Variants in PPP1R36 observed in about 807,000 individuals in gnomAD.
PPP1R36 encodes chromosome 14 open reading frame 50.
A neutral mutation model predicts 53.4 loss-of-function variants in PPP1R36; 47 were observed. That is an observed-to-expected ratio of 0.88 (90% CI 0.70 to 1.12). The LOEUF is 1.12. PPP1R36 is among the 50% of genes most tolerant of loss of function. The pLI is 0.00. For synonymous variants in PPP1R36, 153 were observed against 170.5 expected (o/e 0.90, Z 0.80); for missense variants, 456 against 513.9 (o/e 0.89, Z 1.09).
rs10667127 is a variant in PPP1R36 at position 64,577,718 on chromosome 14, C to CTTTTTTTTTTTT, written c.668+3143_668+3154dup. Among the ~76,000 whole-genome samples the CTTTTTTTTTTTT allele has an allele frequency of 1.1e-4, 10 of 94,444 alleles. 1 individual carries two copies. Among genetic ancestry groups the CTTTTTTTTTTTT allele is most frequent in the East Asian group, 3.3e-4 (1 of 3,044 alleles). The allele number at this position is 94,444 out of a possible 152,430, so 62.0% of individuals were successfully genotyped here. On this transcript the variant is annotated intron_variant, in intron 8 of 11. Transcript: ENST00000298705. ...TTTTTAAGCTTTGCTGCCATGATTA[C>CTTTTTTTTTTTT]TTTTTTTTTTTTTTTTTTTTTTTTT...
intron 10 of PPP1R36, 52 bp downstream of exon 10, chr14:64,587,424 CTTTCT>C (rs747645165): frequency 8.7e-5 from 60 of 690,856 alleles, no homozygotes; most frequent in African/African-American, 2.5e-4. Flanking sequence ...TCTTCCTTTC[CTTTCT>C]TTTCTTTTCT....
intron 7 of PPP1R36, among the ~76,000 whole-genome samples, chr14:64,571,541 T>G (rs1176182327): frequency 6.6e-6 from 1 of 152,186 alleles, no homozygotes; most frequent in South Asian, 2.1e-4. Flanking sequence ...TGAATTGACT[T>G]ACCTACTAAG....
chr14:64,577,494 C>T (rs941689932), intron 8 of PPP1R36, among the ~76,000 whole-genome samples: 14 of 152,118 alleles, frequency 9.2e-5, no homozygotes, highest in Admixed American at 6.5e-5. Flanking sequence ...GAGTTCCTTC[C>T]TACCCAGACC....
chr14:64,583,474 T>A (rs2080405650), intron 8 of PPP1R36, among the ~76,000 whole-genome samples: 1 of 152,146 alleles, frequency 6.6e-6, no homozygotes, highest in Non-Finnish European at 1.5e-5. Flanking sequence ...CATTCTGTAC[T>A]TAATTTTTGC....
At chr14:64,588,723 G>A (rs2080458531) in intron 11 of PPP1R36, among the ~76,000 whole-genome samples, 1 of 151,908 alleles carries the variant, frequency 6.6e-6, no homozygotes, top group Admixed American at 6.6e-5. Flanking sequence ...ACCACGCCCG[G>A]CTAGTTTTGT....
At chr14:64,576,309 G>A (rs1173241533) in intron 8 of PPP1R36, among the ~76,000 whole-genome samples, 1 of 151,742 alleles carries the variant, frequency 6.6e-6, no homozygotes, top group South Asian at 2.1e-4. Flanking sequence ...TCAAACTCCT[G>A]ACCTCAGGTG....
At chr14:64,551,391 T>C (rs2080092739) in intron 2 of PPP1R36, among the ~76,000 whole-genome samples, 1 of 152,226 alleles carries the variant, frequency 6.6e-6, no homozygotes, top group African/African-American at 2.4e-5. Context: ...AGAAATATAG[T>C]TAACATTAAT....
rs1487147551 is a variant in PPP1R36 at position 64,568,391 on chromosome 14, C to T, written c.477C>T (p.Tyr159=). ...LDNFLMALLY[Y]LSHYLEKNSL... ...ATTTCCTCATGGCATTATTGTACTA[C>T]TTATCCCATTACTTGGAAAAAAACT... Residue 159 remains tyrosine (Y), a synonymous_variant, in exon 7 of 12, where the codon TAC becomes TAT. Coordinates refer to ENST00000298705, the MANE Select transcript of PPP1R36 (RefSeq NM_172365.3). 2 of 1,569,062 alleles carry T rather than the reference C, an allele frequency of 1.3e-6. No homozygotes were observed. Among genetic ancestry groups the T allele is most frequent in the Non-Finnish European group, 1.7e-6 (2 of 1,151,732 alleles).
At position 64,583,552 on chromosome 14, in the gene PPP1R36, C is replaced by T. The variant is rs577482914; in HGVS notation, c.669-3285C>T. On this transcript the variant is annotated intron_variant, in intron 8 of 11. Coordinates refer to ENST00000298705, the MANE Select transcript of PPP1R36 (RefSeq NM_172365.3). ...GAGTTAGGCCGGGCGCTGTGGCTCA[C>T]GCCTGTAACCCCAGCACTTCAGGAG... Among the ~76,000 whole-genome samples, 236 of 152,196 alleles carry T rather than the reference C, an allele frequency of 1.6e-3. 3 individuals carry two copies. The highest frequency in any genetic ancestry group is 5.4e-3 in the African/African-American group (225 of 41,544).
chr14:64,556,242 A>C (rs1286636206), intron 3 of PPP1R36, among the ~76,000 whole-genome samples: 4 of 150,134 alleles, frequency 2.7e-5, no homozygotes, highest in African/African-American at 9.8e-5. Flanking sequence ...AGCTGGGACT[A>C]CAGGCAGATG....
chr14:64,577,712 T>C (rs2080353890), intron 8 of PPP1R36, among the ~76,000 whole-genome samples: 1 of 144,322 alleles, frequency 6.9e-6, no homozygotes. Flanking sequence ...TTTGCTGCCA[T>C]GATTACTTTT....
At chr14:64,555,112 G>A (rs980056781) in intron 3 of PPP1R36, among the ~76,000 whole-genome samples, 10 of 152,210 alleles carry the variant, frequency 6.6e-5, no homozygotes, top group Middle Eastern at 3.4e-3. Context: ...CAGCTACAGC[G>A]TTTACCCCGA....
At chr14:64,550,742 G>A (rs1013726020) in intron 1 of PPP1R36, among the ~76,000 whole-genome samples, 179 bp from the exon 2 acceptor site, 1 of 152,112 alleles carries the variant, frequency 6.6e-6, no homozygotes, top group Admixed American at 6.5e-5. Context: ...AACGCTTTAG[G>A]ATTCTACACT....
At chr14:64,555,649 C>G (rs2080143679) in intron 3 of PPP1R36, among the ~76,000 whole-genome samples, 2 of 152,012 alleles carry the variant, frequency 1.3e-5, no homozygotes, top group Admixed American at 6.6e-5. Flanking sequence ...GAATTTGAGG[C>G]TATATTATGC....
At chr14:64,581,214 C>A (rs77685418) in intron 8 of PPP1R36, among the ~76,000 whole-genome samples, 5,897 of 152,256 alleles carry the variant, frequency 0.039, 179 homozygotes, top group Non-Finnish European at 0.059. Context: ...TAAGCAGATT[C>A]CAAGATTTTC....
At chr14:64,565,250 C>A in intron 4 of PPP1R36, 107 bp from the exon 5 acceptor site, 1 of 695,678 alleles carries the variant, frequency 1.4e-6, no homozygotes, top group Non-Finnish European at 2.4e-6. Context: ...ATGTATGACA[C>A]TCAGGCTCTT....
chr14:64,552,202 C>G (rs2080099216), intron 2 of PPP1R36, among the ~76,000 whole-genome samples: 1 of 152,102 alleles, frequency 6.6e-6, no homozygotes, highest in Non-Finnish European at 1.5e-5. Context: ...AGTGACAAAA[C>G]TGGTGGCTGG....
chr14:64,550,006 G>T lies in PPP1R36; in HGVS notation c.9G>T (p.Arg3=), dbSNP rs2080081044. 1.3e-6 allele frequency: 2 copies of T among 1,571,404 alleles called. No homozygotes were observed. Among genetic ancestry groups the T allele is most frequent in the Non-Finnish European group, 1.7e-6 (2 of 1,158,270 alleles). Residue 3 remains arginine, a synonymous_variant, in exon 1 of 12, where the codon CGG becomes CGT. Transcript: ENST00000298705. Reference sequence around the variant, plus strand: ...GCTTCCAGGGCGAGGCCATGTACCGGGTGCCCGAGTTTTATGCGAGGAGGA... The same window carrying T: ...GCTTCCAGGGCGAGGCCATGTACCGTGTGCCCGAGTTTTATGCGAGGAGGA... MY[R]VPEFYARRKR...
intron 3 of PPP1R36, among the ~76,000 whole-genome samples, chr14:64,553,886 G>C (rs1016795368): frequency 6.6e-6 from 1 of 151,608 alleles, no homozygotes; most frequent in African/African-American, 2.4e-5. Flanking sequence ...CAAACTGGGG[G>C]GCCGTTAAGG....
Sources: allele counts gnomAD v4.1 joint callset (sites outside exome capture counted in the v4.1 genomes callset), GRCh38; gene constraint gnomAD v4.1.1; transcripts MANE v1.5; gene names NCBI Gene and HGNC (gene_info 2026-07-23, HGNC 2026-07-21).